Variants in TNRC18 observed in about 807,000 individuals in gnomAD.
TNRC18 encodes trinucleotide repeat containing 18.
TNRC18 carries 69 observed loss-of-function variants against 226.7 expected under a neutral mutation model. That is an observed-to-expected ratio of 0.30 (90% CI 0.25 to 0.37). The LOEUF is 0.37. Among genes scored for constraint, TNRC18 ranks in the 10% least tolerant of loss-of-function variants. The pLI, the probability that TNRC18 is intolerant of heterozygous loss-of-function variation, is 1.00. For synonymous variants in TNRC18, 2,449 were observed against 1,927.6 expected (o/e 1.27, Z -7.09); for missense variants, 4,754 against 4,256.6 (o/e 1.12, Z -3.25).
chr7:5,324,434 C>T lies in TNRC18; in HGVS notation c.6301-79G>A. 6.4e-7 allele frequency: 1 copy of T among 1,561,028 alleles called. No homozygotes were observed. On this transcript the variant is annotated intron_variant, in intron 20 of 29. Coordinates refer to ENST00000430969, the MANE Select transcript of TNRC18 (RefSeq NM_001080495.3). The surrounding 1 kb of genome is among the most constrained non-coding windows in gnomAD (Gnocchi z 4.8). ...CGGGTTGGGGACCCTCTCTGGAAAC[C>T]TGGAGCCACAGTCAGGCCGCAGGGG... is the stretch of plus-strand genomic sequence containing the variant.
In TNRC18 at chr7:5,317,256, CAGA is replaced by C. The variant is rs1787939047; in HGVS notation, c.6746-1187_6746-1185del. On this transcript the variant is annotated intron_variant, in intron 24 of 29. Coordinates refer to ENST00000430969, the MANE Select transcript of TNRC18 (RefSeq NM_001080495.3). The stretch of plus-strand genomic sequence containing the variant: ...AGAGGAAGGGCACAGCACCAGCAAG[CAGA>C]AGGAGGGGGGACCGGGAAGAGAGAG... 2.6e-5 allele frequency among the ~76,000 whole-genome samples: 4 copies of C among 152,036 alleles called. 1 individual carries two copies. In the South Asian group the frequency reaches 6.2e-4, roughly 24 times the overall value.
At chr7:5,353,054 G>C (rs930183533) in intron 16 of TNRC18, among the ~76,000 whole-genome samples, 1 of 144,692 alleles carries the variant, frequency 6.9e-6, no homozygotes, top group African/African-American at 2.6e-5. Flanking sequence ...ACTCCAGCAA[G>C]ACCCCAACCT....
At position 5,388,905 on chromosome 7, in the gene TNRC18, C is replaced by T. The variant is rs1475002085; in HGVS notation, c.919G>A (p.Glu307Lys). The change falls in exon 5 of 30, where the codon GAG becomes AAG. Residue 307 changes from glutamate to lysine, a missense_variant. Transcript: ENST00000430969. ...VAEAGRGGAK[E>K]AARQDEGARL... ...GCGCCCTCGTCCTGCCGGGCAGCCT[C>T]CTTGGCACCCCCGCGCCCCGCTTCG... The T allele has an allele frequency of 4.4e-6, 6 of 1,364,834 alleles. No individual in the cohort carries two copies. The highest frequency in any genetic ancestry group is 2.6e-4 in the Middle Eastern group (1 of 3,800). 84.5% of individuals were successfully genotyped at this position (1,364,834 alleles called of 1,614,324 possible).
At position 5,377,786 on chromosome 7, in the gene TNRC18, C is replaced by G. The variant is rs1035656676; in HGVS notation, c.2255+136G>C. 1.1e-5 allele frequency: 11 copies of G among 1,015,902 alleles called. No individual in the cohort carries two copies. In the African/African-American group the frequency reaches 1.8e-4, roughly 16 times the overall value. The allele number at this position is 1,015,902 out of a possible 1,614,324, so 62.9% of individuals were successfully genotyped here. On this transcript the variant is annotated intron_variant, in intron 6 of 29. Coordinates refer to ENST00000430969, the MANE Select transcript of TNRC18 (RefSeq NM_001080495.3). This position sits in a 1 kb window ranked among gnomAD's most constrained non-coding sequence, Gnocchi z 5.8. ...GGCAGGGCTGGCCCGATGCTGAGGA[C>G]CAGAGTGACTCCCGCTCTCAGTACC...
At chr7:5,373,154 G>A (rs182187825) in intron 10 of TNRC18, among the ~76,000 whole-genome samples, 9 of 152,204 alleles carry the variant, frequency 5.9e-5, no homozygotes, top group Admixed American at 4.6e-4. Flanking sequence ...GCAAAACTCC[G>A]TCTCAAAAAT....
At chr7:5,398,784 ATTTT>A (rs1562618122) in intron 2 of TNRC18, among the ~76,000 whole-genome samples, 1 of 144,906 alleles carries the variant, frequency 6.9e-6, no homozygotes, top group East Asian at 2.0e-4. Flanking sequence ...CACCCCACTA[ATTTT>A]TTTCTTTCTC....
Position 5,371,249 on chromosome 7 carries a change from C to T in TNRC18, c.3345G>A (p.Pro1115=), listed in dbSNP as rs770551789. 18 of 1,602,422 alleles carry T rather than the reference C, an allele frequency of 1.1e-5. No individual in the cohort carries two copies. In the East Asian group the frequency reaches 1.8e-4, roughly 16 times the overall value. Residue 1115 remains proline (P), a synonymous_variant, in exon 11 of 30, where the codon CCG becomes CCA. Coordinates refer to ENST00000430969, the MANE Select transcript of TNRC18 (RefSeq NM_001080495.3). Reference sequence around the variant, plus strand: ...GGCGCTCGGGCCCATCAGCCGGGAGCGGCACATCAGGGGCCAAGCCGTCCG... The same window carrying T: ...GGCGCTCGGGCCCATCAGCCGGGAGTGGCACATCAGGGGCCAAGCCGTCCG... The part of the protein sequence containing the change: ...ADADGLAPDV[P]LPADGPERLA...
At position 5,377,878 on chromosome 7, in the gene TNRC18, T is replaced by C. The variant is rs751774167; in HGVS notation, c.2255+44A>G. 1 of 1,587,362 alleles carries C rather than the reference T, an allele frequency of 6.3e-7. No homozygotes were observed. On this transcript the variant is annotated intron_variant, in intron 6 of 29. Transcript: ENST00000430969. The surrounding 1 kb of genome is among the most constrained non-coding windows in gnomAD (Gnocchi z 5.8). Reference sequence around the variant, plus strand: ...CCAGCTGCCCCTCACCCCCAGGGGCTCCTAGATACCCCCTAGACCCTCAGG... The same window carrying C: ...CCAGCTGCCCCTCACCCCCAGGGGCCCCTAGATACCCCCTAGACCCTCAGG...
intron 17 of TNRC18, among the ~76,000 whole-genome samples, chr7:5,346,398 G>A (rs1250681305): frequency 6.6e-6 from 1 of 152,132 alleles, no homozygotes; most frequent in Non-Finnish European, 1.5e-5. Flanking sequence ...GTCTAGAGTC[G>A]ACTCCTGGCA....
At position 5,387,663 on chromosome 7, in the gene TNRC18, A is replaced by C. The variant is rs749220669; in HGVS notation, c.2152+9T>G. ...TCCTACCCGCACCTGGGCTCTGCCC[A>C]GGACCTACCTTTGACGTTACTCAGC... On this transcript the variant is annotated intron_variant, in intron 5 of 29. Transcript: ENST00000430969. 6.2e-7 allele frequency: 1 copy of C among 1,602,678 alleles called. No individual in the cohort carries two copies. Among genetic ancestry groups the C allele is most frequent in the South Asian group, 1.1e-5 (1 of 91,090 alleles).
chr7:5,353,297 G>A (rs951012646), intron 16 of TNRC18, among the ~76,000 whole-genome samples: 5 of 152,200 alleles, frequency 3.3e-5, no homozygotes, highest in African/African-American at 1.2e-4. Context: ...ACCACTTTGG[G>A]AGGCTGAGGC....
At position 5,324,097 on chromosome 7, in the gene TNRC18, G is replaced by A. The variant is rs2128117800; in HGVS notation, c.6442+117C>T. 3.4e-6 allele frequency: 4 copies of A among 1,180,698 alleles called. No individual in the cohort carries two copies. In the East Asian group the frequency reaches 1.0e-4, roughly 30 times the overall value. 73.1% of individuals were successfully genotyped at this position (1,180,698 alleles called of 1,614,324 possible). A position where few individuals can be genotyped will look rare whatever the true frequency, so the allele number is the denominator to read the frequency against. The stretch of plus-strand genomic sequence containing the variant: ...ACTCAGCCTCAGGATCTCTGCTCCT[G>A]TGGTTCCCTGCCCCCAGCTAGCCCA... On this transcript the variant is annotated intron_variant, in intron 21 of 29. Transcript: ENST00000430969. The surrounding 1 kb of genome is among the most constrained non-coding windows in gnomAD (Gnocchi z 4.8).
chr7:5,366,999 C>T (rs541031926), intron 11 of TNRC18, among the ~76,000 whole-genome samples: 2 of 152,268 alleles, frequency 1.3e-5, no homozygotes, highest in East Asian at 1.9e-4. Context: ...GGAGACAGGG[C>T]GTTTGCAGAG....
intron 16 of TNRC18, among the ~76,000 whole-genome samples, chr7:5,353,301 C>T (rs1490356292): frequency 6.6e-6 from 1 of 152,176 alleles, no homozygotes; most frequent in Non-Finnish European, 1.5e-5. Flanking sequence ...CTTTGGGAGG[C>T]TGAGGCGGGC....
chr7:5,324,075 C>A lies in TNRC18; in HGVS notation c.6442+139G>T. The A allele has an allele frequency of 1.0e-6, 1 of 973,904 alleles. No individual in the cohort carries two copies. Among genetic ancestry groups the A allele is most frequent in the Non-Finnish European group, 1.5e-6 (1 of 674,180 alleles). 60.3% of individuals were successfully genotyped at this position (973,904 alleles called of 1,614,324 possible). Reference sequence around the variant, plus strand: ...AGCCTTCTCATCGACCCGGATAACTCAGCCTCAGGATCTCTGCTCCTGTGG... The same window carrying A: ...AGCCTTCTCATCGACCCGGATAACTAAGCCTCAGGATCTCTGCTCCTGTGG... On this transcript the variant is annotated intron_variant, in intron 21 of 29. Coordinates refer to ENST00000430969, the MANE Select transcript of TNRC18 (RefSeq NM_001080495.3). The surrounding 1 kb of genome is among the most constrained non-coding windows in gnomAD (Gnocchi z 4.8).
intron 18 of TNRC18, among the ~76,000 whole-genome samples, chr7:5,343,609 T>C (rs1323142260): frequency 6.6e-6 from 1 of 152,156 alleles, no homozygotes; most frequent in Non-Finnish European, 1.5e-5. Context: ...TTATTTTTTG[T>C]AGAGATGGGG....
rs1396274564 is a variant in TNRC18, at chr7:5,421,080, A to T, written c.167T>A (p.Leu56Gln). Residue 56 changes from leucine (L) to glutamine (Q), a missense_variant, in exon 2 of 30, where the codon CTG (leucine) becomes CAG (glutamine). Physicochemically the swap from Leu to Gln is moderately radical, Grantham distance 113. Transcript: ENST00000430969. ...CTTACCCGGGTGCGGATGGAGATTC[A>T]GGCCGGCCATGTACTTCCCGGGCGG... ...PLPPGKYMAG[L>Q]NLHPHPGEAF... 8.0e-6 allele frequency: 12 copies of T among 1,506,320 alleles called. No individual in the cohort carries two copies. In the Admixed American group the frequency reaches 1.7e-4, roughly 21 times the overall value. 93.3% of individuals were successfully genotyped at this position (1,506,320 alleles called of 1,614,324 possible).
intron 5 of TNRC18, among the ~76,000 whole-genome samples, chr7:5,382,943 G>C (rs1383453819): frequency 6.6e-6 from 1 of 152,236 alleles, no homozygotes; most frequent in East Asian, 1.9e-4. Flanking sequence ...TGCCACCCAG[G>C]TTGGGGCTCA....
chr7:5,349,779 A>C (rs1000116035), intron 17 of TNRC18, among the ~76,000 whole-genome samples: 4 of 152,302 alleles, frequency 2.6e-5, no homozygotes, highest in Admixed American at 1.3e-4. Flanking sequence ...CTGCTGGAAG[A>C]AGCAGACATA....
Sources: allele counts gnomAD v4.1 joint callset (sites outside exome capture counted in the v4.1 genomes callset), GRCh38; gene constraint gnomAD v4.1.1; non-coding constraint Gnocchi (gnomAD v3.1); transcripts MANE v1.5; gene names NCBI Gene and HGNC (gene_info 2026-07-23, HGNC 2026-07-21).